The following OBI1 variants were observed in gnomAD, a reference collection of about 807,000 sequenced individuals.
OBI1 encodes the protein ORC ubiquitin ligase 1, also known as ring finger protein 219.
Under a neutral mutation model 62.4 loss-of-function variants are expected in OBI1, and 59 were observed. The ratio of observed to expected loss-of-function variants is 0.95; its 90% confidence interval spans 0.77 to 1.17. The LOEUF (loss-of-function observed/expected upper bound fraction) is 1.17, where lower values mean the gene tolerates loss of function less well. Among genes scored for constraint, OBI1 ranks in the 50% most tolerant of loss-of-function variants. OBI1 has a pLI of 0.00. For missense variants in OBI1, 875 were observed against 830.9 expected, an observed-to-expected ratio of 1.05 and a Z score of -0.65; for synonymous variants, 302 against 292.8, an observed-to-expected ratio of 1.03 and a Z score of -0.32.
At chr13:78,643,121 C>T (rs542022080) in intron 2 of OBI1, among the ~76,000 whole-genome samples, 1 of 152,252 alleles carries the variant, frequency 6.6e-6, no homozygotes, top group East Asian at 1.9e-4. Flanking sequence ...TACAGGTGTT[C>T]TTTTTCAGGA....
At chr13:78,639,492 G>A (rs1269392494) in intron 3 of OBI1, among the ~76,000 whole-genome samples, 1 of 151,512 alleles carries the variant, frequency 6.6e-6, no homozygotes, top group South Asian at 2.1e-4. Context: ...CCATTACTGG[G>A]TATATACCCA....
intron 1 of OBI1, among the ~76,000 whole-genome samples, chr13:78,658,842 C>T (rs1401523308): frequency 1.3e-5 from 2 of 152,312 alleles, no homozygotes; most frequent in African/African-American, 4.8e-5. Context: ...TGTCACCCTC[C>T]TCCGAAAGGC....
rs140845041 is a variant in OBI1, at chr13:78,616,002, T to A, written c.1759A>T (p.Thr587Ser). The stretch of plus-strand genomic sequence containing the variant: ...GAACCTTTGGAAAGGTTTAGCTCAG[T>A]TTTTTCTTCCAACTTATCAGGTTCC... Reference protein sequence around the residue: ...LEEPDKLEEKTELNLSKGSLT... With the variant: ...LEEPDKLEEKSELNLSKGSLT... The change falls in exon 6 of 6, where the codon ACT (threonine) becomes TCT (serine). Residue 587 changes from threonine to serine, a missense_variant. Transcript: ENST00000282003. 218 of 1,614,118 alleles carry A rather than the reference T, an allele frequency of 1.4e-4. 1 individual carries two copies. The African/African-American group carries it at 2.7e-3, about 20-fold the overall frequency.
chr13:78,615,662 T>C lies in OBI1; in HGVS notation c.2099A>G (p.Asn700Ser), dbSNP rs1033829308. 1.9e-6 allele frequency: 3 copies of C among 1,613,994 alleles called. No individual in the cohort carries two copies. The highest frequency in any genetic ancestry group is 1.7e-5 in the Admixed American group (1 of 59,988). ...WSTSFVPEKR[N>S]KNVNQSTKRK... is the part of the protein sequence containing the mutation. ...TTTTGTTGATTGATTCACATTTTTATTCCTCTTTTCAGGCACAAAGGAAGT... is the reference window on the plus strand; with the variant it reads ...TTTTGTTGATTGATTCACATTTTTACTCCTCTTTTCAGGCACAAAGGAAGT... The change falls in exon 6 of 6, where the codon AAT becomes AGT. Residue 700 changes from asparagine to serine, a missense_variant. Coordinates refer to ENST00000282003, the MANE Select transcript of OBI1 (RefSeq NM_024546.4).
intron 5 of OBI1, among the ~76,000 whole-genome samples, chr13:78,619,287 G>C (rs950639775): frequency 9.3e-5 from 14 of 150,862 alleles, no homozygotes; most frequent in African/African-American, 2.9e-4. Context: ...TTCAAATATA[G>C]TATCATCTTA....
intron 1 of OBI1, among the ~76,000 whole-genome samples, chr13:78,649,774 A>T (rs1361980900): frequency 6.6e-6 from 1 of 152,152 alleles, no homozygotes; most frequent in African/African-American, 2.4e-5. Context: ...TACAGGAGTG[A>T]GGGTTTGTCT....
chr13:78,632,060 G>A (rs1012439441), intron 5 of OBI1, among the ~76,000 whole-genome samples: 1 of 152,078 alleles, frequency 6.6e-6, no homozygotes, highest in Non-Finnish European at 1.5e-5. Flanking sequence ...GTGATGGACT[G>A]AGCCATGTCC....
intron 1 of OBI1, among the ~76,000 whole-genome samples, chr13:78,646,402 A>G (rs1270657464): frequency 1.3e-5 from 2 of 152,206 alleles, no homozygotes; most frequent in East Asian, 3.8e-4. Context: ...ACATTCAACT[A>G]GTTGGGAAAG....
chr13:78,636,637 T>C (rs1422815727), intron 4 of OBI1, among the ~76,000 whole-genome samples: 1 of 152,214 alleles, frequency 6.6e-6, no homozygotes, highest in African/African-American at 2.4e-5. Context: ...TCTAGGCACC[T>C]GCTTATCTTC....
chr13:78,656,375 G>T (rs1876700998), intron 1 of OBI1, among the ~76,000 whole-genome samples: 1 of 152,074 alleles, frequency 6.6e-6, no homozygotes, highest in South Asian at 2.1e-4. Context: ...CCTAGTTCGG[G>T]AGTTCAAGAC....
In OBI1 at chr13:78,638,895, C is replaced by G. The variant is rs763893310; in HGVS notation, c.477G>C (p.Glu159Asp). 14 of 1,613,824 alleles carry G rather than the reference C, an allele frequency of 8.7e-6. No homozygotes were observed. The Admixed American group carries it at 2.3e-4, about 27-fold the overall frequency. ...PSKINPETVA[E>D]WKKKLRTANE... The stretch of plus-strand genomic sequence containing the variant: ...TAGCTGTTCTGAGTTTTTTCTTCCA[C>G]TCTGCTACAGTTTCTGGGTTAATTT... The change falls in exon 4 of 6, where the codon GAG (glutamate) becomes GAC (aspartate). Residue 159 changes from glutamate to aspartate, a missense_variant. Coordinates refer to ENST00000282003, the MANE Select transcript of OBI1 (RefSeq NM_024546.4).
rs548844484 is a variant in OBI1 at position 78,642,622 on chromosome 13, C to A, written c.209-409G>T. ...ATTACTGGCTGGGTGCAGTGGCTCACGCCTGTAATCCCAGCACTTTGGGAG... is the reference window on the plus strand; with the variant it reads ...ATTACTGGCTGGGTGCAGTGGCTCAAGCCTGTAATCCCAGCACTTTGGGAG... On this transcript the variant is annotated intron_variant, in intron 2 of 5. Transcript: ENST00000282003. 5.0e-4 allele frequency among the ~76,000 whole-genome samples: 76 copies of A among 152,310 alleles called. 1 individual carries two copies. Among genetic ancestry groups the A allele is most frequent in the Non-Finnish European group, 4.1e-4 (28 of 68,022 alleles).
chr13:78,655,210 C>A (rs944939272), intron 1 of OBI1, among the ~76,000 whole-genome samples: 1 of 152,072 alleles, frequency 6.6e-6, no homozygotes, highest in African/African-American at 2.4e-5. Flanking sequence ...AAAAGATAAA[C>A]CCTGGAATTA....
chr13:78,634,171 A>G (rs1875950930), intron 5 of OBI1, among the ~76,000 whole-genome samples: 1 of 152,074 alleles, frequency 6.6e-6, no homozygotes, highest in African/African-American at 2.4e-5. Context: ...ACTTAATTGT[A>G]TAGTTTTAAA....
chr13:78,630,729 T>G (rs1417660453), intron 5 of OBI1, among the ~76,000 whole-genome samples: 1 of 152,144 alleles, frequency 6.6e-6, no homozygotes, highest in East Asian at 1.9e-4. Context: ...TGGGCCTCAC[T>G]AGACCAGCTG....
At chr13:78,637,384 T>A (rs912788366) in intron 4 of OBI1, among the ~76,000 whole-genome samples, 2 of 152,216 alleles carry the variant, frequency 1.3e-5, no homozygotes, top group African/African-American at 4.8e-5. Flanking sequence ...AGTCCCAGGG[T>A]AGCTTTGAGT....
chr13:78,631,451 T>A (rs1324503360), intron 5 of OBI1, among the ~76,000 whole-genome samples: 1 of 152,078 alleles, frequency 6.6e-6, no homozygotes, highest in East Asian at 1.9e-4. Context: ...AAAAATTCAT[T>A]ATTTCTGGGT....
chr13:78,623,690 G>A (rs1423790816), intron 5 of OBI1, among the ~76,000 whole-genome samples: 1 of 151,994 alleles, frequency 6.6e-6, no homozygotes, highest in Non-Finnish European at 1.5e-5. Flanking sequence ...GATTTTTCTA[G>A]GCAAAATGTG....
chr13:78,651,067 ATTG>A (rs1480543572), intron 1 of OBI1, among the ~76,000 whole-genome samples: 2 of 152,208 alleles, frequency 1.3e-5, no homozygotes, highest in Admixed American at 6.5e-5. Flanking sequence ...GTCAATTACA[ATTG>A]TTAAGATACA....
Sources: allele counts gnomAD v4.1 joint callset (sites outside exome capture counted in the v4.1 genomes callset), GRCh38; gene constraint gnomAD v4.1.1; transcripts MANE v1.5; gene names NCBI Gene and HGNC (gene_info 2026-07-23, HGNC 2026-07-21).